MFN2: variants seen among roughly 807,000 people sequenced by gnomAD.
MFN2 encodes the protein mitofusin 2.
Under a neutral mutation model 87.5 loss-of-function variants are expected in MFN2, and 43 were observed. The ratio of observed to expected loss-of-function variants is 0.49; its 90% CI spans 0.38 to 0.63. MFN2 has a LOEUF of 0.63. MFN2 is among the 30% of genes least tolerant of loss of function. MFN2 has a pLI of 0.00. For synonymous variants in MFN2, 337 were observed against 359.9 expected (o/e 0.94, Z 0.72); for missense variants, 743 against 972.8 (o/e 0.76, Z 3.14).
intron 7 of MFN2, 34 bp downstream of exon 7, chr1:11,998,912 G>A (rs1255768744): frequency 1.2e-6 from 2 of 1,613,054 alleles, no homozygotes; most frequent in African/African-American, 1.3e-5. Context: ...CAAGCTCCCA[G>A]CACCCCCTGG....
chr1:12,006,637 G>A lies in MFN2; in HGVS notation c.1816G>A (p.Gly606Ser), dbSNP rs149122641. ...QEEFMVSMVT[G>S]LASLTSRTSM... ...GGAGTTCATGGTTTCCATGGTTACC[G>A]GCCTGGCCTCCTTGACATCCAGGAC... is the stretch of plus-strand genomic sequence containing the variant. Residue 606 changes from glycine to serine, a missense_variant, in exon 16 of 19, where the codon GGC becomes AGC. This residue lies in a region of MFN2 where 571 missense variants were observed against 670.7 expected (regional missense o/e 0.85). Transcript: ENST00000235329. 13 of 1,614,062 alleles carry A rather than the reference G, an allele frequency of 8.1e-6. No homozygotes were observed. The highest frequency in any genetic ancestry group is 5.3e-5 in the African/African-American group (4 of 74,922).
chr1:11,998,031 C>T (rs560943417), intron 6 of MFN2, among the ~76,000 whole-genome samples: 1 of 151,006 alleles, frequency 6.6e-6, no homozygotes. Context: ...TTACAGGTGC[C>T]CGCCACCATG....
At chr1:12,006,069 AG>A in intron 15 of MFN2, 138 bp downstream of exon 15, 1 of 753,472 alleles carries the variant, frequency 1.3e-6, no homozygotes, top group Middle Eastern at 3.8e-4. Flanking sequence ...AGTACACCAC[AG>A]ACAGAATTTT....
intron 6 of MFN2, 74 bp from the exon 7 acceptor site, chr1:11,998,696 C>T: frequency 7.2e-7 from 1 of 1,383,780 alleles, no homozygotes. Flanking sequence ...CTCACAAGTC[C>T]CAGGTCTGTT....
intron 3 of MFN2, among the ~76,000 whole-genome samples, chr1:11,990,535 G>A (rs1308327836): frequency 6.6e-6 from 1 of 152,190 alleles, no homozygotes; most frequent in Admixed American, 6.5e-5. Flanking sequence ...CAGATGATGT[G>A]GTGGACAAAC....
rs1283917064 is a variant in MFN2 at position 11,999,066 on chromosome 1, T to G, written c.787T>G (p.Ser263Ala). Residue 263 changes from serine (S) to alanine (A), a missense_variant, in exon 8 of 19, where the codon TCT becomes GCT. Ser to Ala is a moderately conservative substitution (Grantham distance 99, BLOSUM62 1). This residue lies in a region of MFN2 where 571 missense variants were observed against 670.7 expected (regional missense o/e 0.85). Coordinates refer to ENST00000235329, the MANE Select transcript of MFN2 (RefSeq NM_014874.4). Reference protein sequence around the residue: ...IFILNNRWDASASEPEYMEEV... With the variant: ...IFILNNRWDAAASEPEYMEEV... ...CATCCTGAACAACCGCTGGGATGCA[T>G]CTGCCTCAGAGCCCGAGTACATGGA... 2 of 1,614,212 alleles carry G rather than the reference T, an allele frequency of 1.2e-6. No individual in the cohort carries two copies. Among genetic ancestry groups the G allele is most frequent in the Non-Finnish European group, 1.7e-6 (2 of 1,180,042 alleles).
At chr1:11,999,860 C>T (rs868700292) in intron 8 of MFN2, among the ~76,000 whole-genome samples, 42 of 151,864 alleles carry the variant, frequency 2.8e-4, no homozygotes, top group Middle Eastern at 6.8e-3. Flanking sequence ...TTTGGGAGGC[C>T]GATGTGGGCG....
intron 2 of MFN2, among the ~76,000 whole-genome samples, chr1:11,984,586 T>C (rs1430396356): frequency 6.6e-6 from 1 of 152,224 alleles, no homozygotes; most frequent in Non-Finnish European, 1.5e-5. Context: ...TTTGATATAA[T>C]GTTAGATGTG....
chr1:12,009,524 G>A, intron 17 of MFN2, 68 bp from the exon 18 acceptor site: 1 of 1,609,258 alleles, frequency 6.2e-7, no homozygotes, highest in Non-Finnish European at 8.5e-7. Flanking sequence ...CCTACTGTGG[G>A]TGGGCTAAGC....
chr1:12,000,098 C>CAA (rs79267704), intron 8 of MFN2, among the ~76,000 whole-genome samples: 1 of 151,386 alleles, frequency 6.6e-6, no homozygotes, highest in Admixed American at 6.6e-5. Context: ...TTCCGTCTCA[C>CAA]AAAAAATAAT....
intron 4 of MFN2, among the ~76,000 whole-genome samples, chr1:11,994,555 A>C (rs1393033254): frequency 1.3e-5 from 2 of 151,710 alleles, no homozygotes; most frequent in African/African-American, 2.4e-5. Context: ...GCGCCACTGC[A>C]CTCCAGCCTA....
At chr1:11,986,679 C>T (rs995522314) in intron 2 of MFN2, among the ~76,000 whole-genome samples, 3 of 151,348 alleles carry the variant, frequency 2.0e-5, no homozygotes, top group African/African-American at 7.3e-5. Flanking sequence ...CAACTTCCAG[C>T]TCCCAGGTTC....
intron 8 of MFN2, among the ~76,000 whole-genome samples, chr1:11,999,823 G>C (rs1019103767): frequency 6.6e-6 from 1 of 151,918 alleles, no homozygotes. Context: ...GGCCGGGCGC[G>C]GTGGCTCACG....
Position 12,004,231 on chromosome 1 carries a change from C to T in MFN2, c.1287+113C>T, listed in dbSNP as rs1639303082. The T allele has an allele frequency of 6.9e-7, 1 of 1,447,452 alleles. No individual in the cohort carries two copies. The highest frequency in any genetic ancestry group is 1.4e-5 in the African/African-American group (1 of 70,878). The allele number at this position is 1,447,452 out of a possible 1,614,324, so 89.7% of individuals were successfully genotyped here. A position where few individuals can be genotyped will look rare whatever the true frequency, so the allele number is the denominator to read the frequency against. ...TCAGCCTTTCAGAAGAAAGTTGTGG[C>T]CCTGTTTCAAGAATACAGAGCTGCC... On this transcript the variant is annotated intron_variant, in intron 12 of 18. Transcript: ENST00000235329. This position sits in a 1 kb window ranked among gnomAD's most constrained non-coding sequence, Gnocchi z 4.2.
At chr1:11,999,154 C>T (rs573708766) in intron 8 of MFN2, 59 bp downstream of exon 8, 1 of 1,373,408 alleles carries the variant, frequency 7.3e-7, no homozygotes, top group Admixed American at 1.7e-5. Flanking sequence ...CTGCCTGCCA[C>T]TGGGGCCACT....
chr1:11,988,084 T>TTG (rs112373136), intron 2 of MFN2, among the ~76,000 whole-genome samples: 2,473 of 144,322 alleles, frequency 0.017, 25 homozygotes, highest in African/African-American at 0.032. Context: ...CCAATAGTTT[T>TTG]TGTGTGTGTG....
chr1:12,012,210 G>A lies in MFN2; in HGVS notation c.*645G>A, dbSNP rs1175801453. The A allele has an allele frequency of 1.3e-5, 2 of 158,324 alleles. No homozygotes were observed. Among genetic ancestry groups the A allele is most frequent in the Non-Finnish European group, 2.8e-5 (2 of 71,354 alleles). The allele number at this position is 158,324 out of a possible 1,614,324, so 9.8% of individuals were successfully genotyped here. On this transcript the variant is annotated 3_prime_UTR_variant, in exon 19 of 19. Transcript: ENST00000235329. ...TGCTGCTGAGGCAGCTGGAGGAGTG[G>A]GAGTAGCTCAGAGGGGAGGGCTGTT...
Position 11,996,263 on chromosome 1 carries a change from A to G in MFN2, c.419A>G (p.Asp140Gly). 6.2e-7 allele frequency: 1 copy of G among 1,614,220 alleles called. No homozygotes were observed. Among genetic ancestry groups the G allele is most frequent in the South Asian group, 1.1e-5 (1 of 91,086 alleles). ...TNCFLRVEGT[D>G]GHEAFLLTEG... The stretch of plus-strand genomic sequence containing the variant: ...TGCTTCCTGCGGGTAGAGGGCACAG[A>G]TGGCCATGAGGCCTTTCTCCTTACC... Residue 140 changes from aspartate (D) to glycine (G), a missense_variant, in exon 5 of 19, where the codon GAT (aspartate) becomes GGT (glycine). By Grantham distance (94) the Asp-to-Gly change is moderately conservative. Around this residue, in one of 3 missense-constraint regions of MFN2, gnomAD observed 141 missense variants for 278.9 expected, o/e 0.51. Transcript: ENST00000235329.
At chr1:11,993,827 C>T (rs1467791810) in intron 4 of MFN2, among the ~76,000 whole-genome samples, 1 of 151,016 alleles carries the variant, frequency 6.6e-6, no homozygotes, top group African/African-American at 2.4e-5. Flanking sequence ...ATTCATTTTT[C>T]CTGCATCTTT....
Sources: allele counts gnomAD v4.1 joint callset (sites outside exome capture counted in the v4.1 genomes callset), GRCh38; gene constraint gnomAD v4.1.1; regional missense constraint gnomAD v4.1.1; non-coding constraint Gnocchi (gnomAD v3.1); transcripts MANE v1.5; gene names NCBI Gene and HGNC (gene_info 2026-07-23, HGNC 2026-07-21).